The following SPARC variants were observed in gnomAD, a reference collection of about 807,000 sequenced individuals.
SPARC encodes secreted protein acidic and cysteine rich, also known as basement-membrane protein 40.
In SPARC, 23 loss-of-function variants were observed where a neutral mutation model predicts 37.7. The ratio of observed to expected loss-of-function variants is 0.61; its 90% CI spans 0.44 to 0.87. The LOEUF is 0.87. Ranked by LOEUF, SPARC falls within the 40% of genes least tolerant of loss-of-function variation. SPARC has a pLI of 0.00. For missense variants in SPARC, 312 were observed against 389.0 expected, an observed-to-expected ratio of 0.80 and a Z score of 1.66; for synonymous variants, 155 against 150.8, an observed-to-expected ratio of 1.03 and a Z score of -0.20.
At chr5:151,672,174 T>C (rs1201127778) in intron 4 of SPARC, among the ~76,000 whole-genome samples, 5 of 152,186 alleles carry the variant, frequency 3.3e-5, no homozygotes, top group Admixed American at 2.6e-4. Context: ...TCAAAGTCCA[T>C]GCTGGACAAT....
intron 1 of SPARC, among the ~76,000 whole-genome samples, chr5:151,682,328 G>T (rs1481538579): frequency 2.0e-5 from 3 of 152,196 alleles, no homozygotes; most frequent in African/African-American, 7.2e-5. Flanking sequence ...CTGGGGTGGA[G>T]CTTCAGGCTT....
At chr5:151,682,020 G>C (rs912886495) in intron 1 of SPARC, among the ~76,000 whole-genome samples, 3 of 151,716 alleles carry the variant, frequency 2.0e-5, no homozygotes, top group Non-Finnish European at 4.4e-5. Flanking sequence ...ACACAATATG[G>C]AACCCTTAGG....
chr5:151,672,639 T>C (rs144631239), intron 4 of SPARC: 1,840 of 165,526 alleles, frequency 0.011, 37 homozygotes, highest in African/African-American at 0.042. Flanking sequence ...ATGGATAGCA[T>C]GGTACGGATT....
At chr5:151,665,361 AT>A (rs1333022598) in intron 8 of SPARC, among the ~76,000 whole-genome samples, 1 of 152,170 alleles carries the variant, frequency 6.6e-6, no homozygotes, top group African/African-American at 2.4e-5. Context: ...GATCCCAGCC[AT>A]GGCAAAAGCC....
At chr5:151,685,759 T>A (rs1219739424) in intron 1 of SPARC, 1 of 152,170 alleles carries the variant, frequency 6.6e-6, no homozygotes, top group East Asian at 1.9e-4. Context: ...AGAGAAAACA[T>A]TTTCTCTAAT....
chr5:151,674,472 A>G (rs1195067031), intron 3 of SPARC, 140 bp downstream of exon 3: 2 of 724,588 alleles, frequency 2.8e-6, no homozygotes, highest in Non-Finnish European at 2.4e-6. Context: ...GGATATACTC[A>G]GGGTTTGCAT....
In SPARC at chr5:151,662,694, C is replaced by G; in HGVS notation, c.*877G>C. On this transcript the variant is annotated 3_prime_UTR_variant, in exon 10 of 10. Transcript: ENST00000231061. ...CATCCAAATGTGAGGAAAGAACAAC[C>G]GATTCACCAACTCCACTTTTTCTAT... 2 of 152,566 alleles carry G rather than the reference C, an allele frequency of 1.3e-5. No homozygotes were observed. Among genetic ancestry groups the G allele is most frequent in the South Asian group, 4.2e-4 (2 of 4,816 alleles). The allele number at this position is 152,566 out of a possible 1,614,324, so 9.5% of individuals were successfully genotyped here.
At chr5:151,680,216 CTTTTTTTTTTTTTTT>C (rs58021431) in intron 1 of SPARC, among the ~76,000 whole-genome samples, 10 of 61,970 alleles carry the variant, frequency 1.6e-4, no homozygotes, top group African/African-American at 7.5e-4. Context: ...TGGAAAACAT[CTTTTTTTTTTTTTTT>C]TTTTTTTTTT....
Position 151,662,507 on chromosome 5 carries a change from T to C in SPARC, c.*1064A>G, listed in dbSNP as rs1351297792. ...CTTCACATCATGGTGAGAGTTTGTA[T>C]GATTAATAAGAAGCAGCTTTTTCAT... is the stretch of plus-strand genomic sequence containing the variant. On this transcript the variant is annotated 3_prime_UTR_variant, in exon 10 of 10. Coordinates refer to ENST00000231061, the MANE Select transcript of SPARC (RefSeq NM_003118.4). 6.6e-6 allele frequency: 1 copy of C among 152,644 alleles called. No individual in the cohort carries two copies. Among genetic ancestry groups the C allele is most frequent in the East Asian group, 1.9e-4 (1 of 5,202 alleles). 9.5% of individuals were successfully genotyped at this position (152,644 alleles called of 1,614,324 possible). A position where few individuals can be genotyped will look rare whatever the true frequency, so the allele number is the denominator to read the frequency against.
At chr5:151,674,498 A>C in intron 3 of SPARC, 114 bp downstream of exon 3, 1 of 896,424 alleles carries the variant, frequency 1.1e-6, no homozygotes, top group South Asian at 1.4e-5. Context: ...CTATGTGTGT[A>C]CAGGGAGACG....
At chr5:151,667,702 G>A in intron 6 of SPARC, 102 bp from the exon 7 acceptor site, 4 of 1,355,502 alleles carry the variant, frequency 3.0e-6, no homozygotes, top group South Asian at 1.4e-5. Context: ...TGGTGGCCTT[G>A]GCACAGTGGC....
intron 6 of SPARC, 54 bp downstream of exon 6, chr5:151,669,610 A>G: frequency 6.3e-7 from 1 of 1,587,460 alleles, no homozygotes; most frequent in Non-Finnish European, 8.6e-7. Context: ...CATCAGTGCC[A>G]GCTCAGAGCT....
intron 1 of SPARC, among the ~76,000 whole-genome samples, chr5:151,680,148 C>T (rs2113114691): frequency 6.6e-6 from 1 of 150,574 alleles, no homozygotes; most frequent in East Asian, 1.9e-4. Flanking sequence ...AGGACTGAGG[C>T]CAATCCAAAA....
chr5:151,673,249 C>A, intron 3 of SPARC, 33 bp from the exon 4 acceptor site: 1 of 1,435,360 alleles, frequency 7.0e-7, no homozygotes, highest in East Asian at 2.3e-5. Flanking sequence ...GGTGAAATGG[C>A]CCCACTCCCA....
At chr5:151,674,777 C>T in intron 2 of SPARC, 103 bp from the exon 3 acceptor site, 1 of 1,123,962 alleles carries the variant, frequency 8.9e-7, no homozygotes, top group Admixed American at 1.8e-5. Context: ...GCTTGGAGAG[C>T]AGCTTACTGG....
chr5:151,685,160 C>T (rs1440401109), intron 1 of SPARC: 4 of 152,174 alleles, frequency 2.6e-5, no homozygotes, highest in African/African-American at 9.7e-5. Context: ...GATTCCTTCT[C>T]CAGGCAACCC....
chr5:151,673,056 G>T, intron 4 of SPARC, 73 bp downstream of exon 4: 2 of 1,016,628 alleles, frequency 2.0e-6, no homozygotes, highest in Non-Finnish European at 3.2e-6. Context: ...GCCTCATGTA[G>T]GCTGTCCTCG....
intron 8 of SPARC, among the ~76,000 whole-genome samples, chr5:151,665,895 TAGAC>T (rs1760608880): frequency 6.6e-6 from 1 of 152,148 alleles, no homozygotes; most frequent in Non-Finnish European, 1.5e-5. Context: ...GCTTGCAAAA[TAGAC>T]AGGCTTTTTT....
Position 151,661,446 on chromosome 5 carries a change from G to A in SPARC, c.*2125C>T, listed in dbSNP as rs1760500317. ...GTGTAGAAGAGAACACCAGAATACAGTTTGATTTTTTAGGAGCTTTTATTG... is the reference window on the plus strand; with the variant it reads ...GTGTAGAAGAGAACACCAGAATACAATTTGATTTTTTAGGAGCTTTTATTG... On this transcript the variant is annotated 3_prime_UTR_variant, in exon 10 of 10. Transcript: ENST00000231061. The A allele has an allele frequency of 6.6e-6, 1 of 152,152 alleles. No homozygotes were observed. The highest frequency in any genetic ancestry group is 1.5e-5 in the Non-Finnish European group (1 of 68,018). The allele number at this position is 152,152 out of a possible 1,614,324, so 9.4% of individuals were successfully genotyped here.
Sources: gnomAD v4.1 joint callset for allele counts (sites outside exome capture counted in the v4.1 genomes callset) on GRCh38, gnomAD v4.1.1 for gene constraint, MANE v1.5 for transcripts, NCBI Gene and HGNC (gene_info 2026-07-23, HGNC 2026-07-21) for gene names.